PSD3: variants seen among roughly 807,000 people sequenced by gnomAD.
The protein encoded by PSD3 is pleckstrin and Sec7 domain containing 3, also known as PH and SEC7 domain-containing protein 3.
PSD3 carries 49 observed loss-of-function variants against 105.5 expected under a neutral mutation model. That is an observed-to-expected ratio of 0.46 (90% CI 0.37 to 0.59). The LOEUF (loss-of-function observed/expected upper bound fraction) is 0.59. PSD3 is among the 20% of genes least tolerant of loss of function. PSD3 has a pLI of 0.00. For synonymous variants in PSD3, 557 were observed against 457.8 expected, an observed-to-expected ratio of 1.22 and a Z score of -2.77; for missense variants, 1,561 against 1,263.8, an observed-to-expected ratio of 1.24 and a Z score of -3.57.
At chr8:18,539,951 G>A (rs894530171) in intron 15 of PSD3, among the ~76,000 whole-genome samples, 1 of 152,068 alleles carries the variant, frequency 6.6e-6, no homozygotes, top group African/African-American at 2.4e-5. Context: ...ATCATATTGC[G>A]GCAGACGGTG....
chr8:18,837,538 C>T (rs1814211530), intron 4 of PSD3, among the ~76,000 whole-genome samples: 1 of 152,148 alleles, frequency 6.6e-6, no homozygotes, highest in South Asian at 2.1e-4. Context: ...TCATAGGTAA[C>T]TGGGATTAAG....
intron 11 of PSD3, among the ~76,000 whole-genome samples, chr8:18,621,362 C>G (rs376682549): frequency 2.6e-5 from 4 of 152,144 alleles, no homozygotes; most frequent in African/African-American, 7.2e-5. Context: ...GAGCTGACAT[C>G]GTGCCACTGC....
chr8:19,039,819 G>C (rs1230536739), intron 1 of PSD3, among the ~76,000 whole-genome samples: 2 of 152,184 alleles, frequency 1.3e-5, no homozygotes, highest in African/African-American at 4.8e-5. Context: ...AAATAGTGGA[G>C]AATGAAGGAG....
chr8:18,782,395 T>C (rs776620551), intron 8 of PSD3, among the ~76,000 whole-genome samples: 1 of 152,156 alleles, frequency 6.6e-6, no homozygotes, highest in Non-Finnish European at 1.5e-5. Flanking sequence ...TGATTCTGGG[T>C]GGGAGAAGCA....
At chr8:19,033,682 T>C (rs1450594676) in intron 1 of PSD3, among the ~76,000 whole-genome samples, 1 of 152,000 alleles carries the variant, frequency 6.6e-6, no homozygotes, top group Non-Finnish European at 1.5e-5. Context: ...TTTTAGTGGG[T>C]TCCTTGCCAT....
chr8:19,007,942 A>G (rs1043333244), intron 1 of PSD3, among the ~76,000 whole-genome samples: 1 of 152,120 alleles, frequency 6.6e-6, no homozygotes, highest in African/African-American at 2.4e-5. Flanking sequence ...TCCTGGGTTC[A>G]AGTGATTCTC....
intron 2 of PSD3, among the ~76,000 whole-genome samples, chr8:18,916,723 T>C (rs1406650827): frequency 5.3e-5 from 8 of 152,018 alleles, no homozygotes; most frequent in Admixed American, 2.0e-4. Flanking sequence ...AAGGAGTAGA[T>C]CTTAAATGTT....
chr8:18,802,036 C>T (rs1810743478), intron 6 of PSD3, among the ~76,000 whole-genome samples: 1 of 152,234 alleles, frequency 6.6e-6, no homozygotes, highest in South Asian at 2.1e-4. Context: ...CTACACGCAT[C>T]AGGGTGCTTC....
intron 9 of PSD3, among the ~76,000 whole-genome samples, chr8:18,742,205 T>A (rs941670997): frequency 5.3e-5 from 8 of 152,152 alleles, no homozygotes; most frequent in Non-Finnish European, 1.2e-4. Context: ...GCAATATACC[T>A]CTTTAAGAAA....
chr8:18,606,355 C>T (rs1804828759), intron 11 of PSD3, among the ~76,000 whole-genome samples: 2 of 152,138 alleles, frequency 1.3e-5, no homozygotes, highest in African/African-American at 4.8e-5. Context: ...GGCTTAGCAT[C>T]CCCAGGGTTG....
intron 2 of PSD3, among the ~76,000 whole-genome samples, chr8:18,918,812 C>G (rs1240074523): frequency 6.6e-6 from 1 of 152,094 alleles, no homozygotes; most frequent in Non-Finnish European, 1.5e-5. Flanking sequence ...TGGTCTTCTA[C>G]GTGGAGGGAG....
chr8:18,929,829 A>AG (rs1400210916), intron 2 of PSD3, among the ~76,000 whole-genome samples: 1 of 151,916 alleles, frequency 6.6e-6, no homozygotes, highest in East Asian at 1.9e-4. Flanking sequence ...GGGAAAAAAA[A>AG]TCTAATTGTT....
At chr8:19,084,339 T>G (rs903804809) in exon 1 of PSD3, 2 of 456,254 alleles carry the variant, frequency 4.4e-6, no homozygotes, top group South Asian at 3.1e-5. Context: ...GGGGAGTATT[T>G]GGCAGGTCTC....
intron 12 of PSD3, among the ~76,000 whole-genome samples, chr8:18,578,966 T>C (rs1197765764): frequency 3.3e-5 from 5 of 152,080 alleles, no homozygotes; most frequent in African/African-American, 4.8e-5. Flanking sequence ...GTTGAAAAAT[T>C]TTAAGTCTAG....
intron 4 of PSD3, among the ~76,000 whole-genome samples, chr8:18,834,446 A>G (rs747555): frequency 0.36 from 55,377 of 152,024 alleles, 10,493 homozygotes; most frequent in Non-Finnish European, 0.39. Flanking sequence ...TAATCACTGC[A>G]TCCTTGTGTC....
At chr8:18,825,561 C>G (rs985202814) in intron 4 of PSD3, among the ~76,000 whole-genome samples, 2 of 152,180 alleles carry the variant, frequency 1.3e-5, no homozygotes, top group Non-Finnish European at 2.9e-5. Context: ...TTCACTGGTA[C>G]AAATTAACTC....
At chr8:18,840,404 C>T (rs991575564) in intron 4 of PSD3, among the ~76,000 whole-genome samples, 1 of 152,196 alleles carries the variant, frequency 6.6e-6, no homozygotes, top group Admixed American at 6.5e-5. Flanking sequence ...CCTAGTTGGT[C>T]TACTCAAGCT....
At position 18,882,846 on chromosome 8, in the gene PSD3, T is replaced by TACAC. The variant is rs139256546; in HGVS notation, c.131-10117_131-10114dup. Among the ~76,000 whole-genome samples, 1,188 of 150,220 alleles carry TACAC rather than the reference T, an allele frequency of 7.9e-3. 9 individuals carry two copies. The highest frequency in any genetic ancestry group is 0.012 in the Non-Finnish European group (841 of 67,460). On this transcript the variant is annotated intron_variant, in intron 2 of 15. Transcript: ENST00000327040. ...TATATATAGCTTATGTAGATATATATACACACACACACACACACGCACGCA... is the reference window on the plus strand; with the variant it reads ...TATATATAGCTTATGTAGATATATATACACACACACACACACACACACGCACGCA...
intron 1 of PSD3, among the ~76,000 whole-genome samples, chr8:18,972,883 G>A (rs1824731276): frequency 6.6e-6 from 1 of 152,174 alleles, no homozygotes; most frequent in Admixed American, 6.5e-5. Flanking sequence ...AAGCATCACT[G>A]GGCAAGTAGG....
Sources: gnomAD v4.1 joint callset for allele counts (sites outside exome capture counted in the v4.1 genomes callset) on GRCh38, gnomAD v4.1.1 for gene constraint, MANE v1.5 for transcripts, NCBI Gene and HGNC (gene_info 2026-07-23, HGNC 2026-07-21) for gene names.